ERCC1: variants seen among roughly 807,000 people sequenced by gnomAD.
ERCC1 encodes the protein DNA excision repair protein ERCC-1.
Under a neutral mutation model 37.6 loss-of-function variants are expected in ERCC1, and 36 were observed. That is an observed-to-expected ratio of 0.96 (90% CI 0.73 to 1.26). The LOEUF (loss-of-function observed/expected upper bound fraction) is 1.26. Ranked by LOEUF, ERCC1 falls within the 50% of genes most tolerant of loss-of-function variation. The probability of loss-of-function intolerance (pLI) is 0.00; values close to 1 mark genes in which losing one functional copy is unlikely to be tolerated. For missense variants in ERCC1, 349 were observed against 376.5 expected (o/e 0.93, Z 0.60); for synonymous variants, 156 against 162.1 (o/e 0.96, Z 0.28).
At chr19:45,434,021 G>A (rs1974903364) in intron 1 of ERCC1, among the ~76,000 whole-genome samples, 2 of 151,700 alleles carry the variant, frequency 1.3e-5, no homozygotes, top group Admixed American at 6.6e-5. Context: ...TGCGCCTGTA[G>A]TCCCAGCTAC....
chr19:45,421,329 G>A lies in ERCC1; in HGVS notation c.170C>T (p.Pro57Leu), dbSNP rs554690584. 5.6e-6 allele frequency: 9 copies of A among 1,614,090 alleles called. No individual in the cohort carries two copies. The highest frequency in any genetic ancestry group is 3.3e-5 in the South Asian group (3 of 91,072). The change falls in exon 3 of 10, where the codon CCT becomes CTT. Residue 57 changes from proline (P) to leucine (L), a missense_variant. Physicochemically the swap from Pro to Leu is moderately conservative, Grantham distance 98 (BLOSUM62 -3). Transcript: ENST00000300853. ...GATGGCATATTCGGCGTAGGTCTGA[G>A]GGGCCGCCTGGGCCGAGGTGTCCAC... ...PTVDTSAQAA[P>L]QTYAEYAISQ...
In ERCC1 at chr19:45,423,300, G is replaced by A. The variant is rs1974553177; in HGVS notation, c.75C>T (p.Pro25=). The stretch of plus-strand genomic sequence containing the variant: ...CAGGAGGGACCTCATCCTCGTCGAG[G>A]GGTATCACAAATTTCTTCCTTGCTG... The part of the protein sequence containing the change: ...GPPARKKFVI[P]LDEDEVPPGV... The change falls in exon 2 of 10, where the codon CCC becomes CCT. Residue 25 remains proline, a synonymous_variant. Coordinates refer to ENST00000300853, the MANE Select transcript of ERCC1 (RefSeq NM_001983.4). 2.5e-6 allele frequency: 4 copies of A among 1,613,816 alleles called. No homozygotes were observed. The highest frequency in any genetic ancestry group is 3.4e-6 in the Non-Finnish European group (4 of 1,179,942).
Position 45,408,591 on chromosome 19 carries a change from T to C in ERCC1, c.*1084A>G. 1 of 1,610,670 alleles carries C rather than the reference T, an allele frequency of 6.2e-7. No homozygotes were observed. Among genetic ancestry groups the C allele is most frequent in the Non-Finnish European group, 8.5e-7 (1 of 1,179,124 alleles). ...GACATGGCTTTGGGGTCGCCAGAAA[T>C]GGATGTGCGGAAGAAGAAGAAGAAA... On this transcript the variant is annotated 3_prime_UTR_variant, in exon 10 of 10. Transcript: ENST00000300853.
Position 45,429,000 on chromosome 19 carries a change from G to T in ERCC1, c.-7-5619C>A, listed in dbSNP as rs1447318043. ...CCAAGCGGAGGCCCCCGGATGGGGG[G>T]CAGTGGAGGCGCCTAGCCCCTACTC... On this transcript the variant is annotated intron_variant, in intron 1 of 8. Transcript: ENST00000423698. The T allele has an allele frequency of 4.6e-5, 7 of 152,376 alleles. No individual in the cohort carries two copies. The East Asian group carries it at 9.6e-4, about 21-fold the overall frequency. 9.4% of individuals were successfully genotyped at this position (152,376 alleles called of 1,614,324 possible). A position where few individuals can be genotyped will look rare whatever the true frequency, so the allele number is the denominator to read the frequency against.
chr19:45,419,077 T>C (rs1412144152), intron 5 of ERCC1, 21 bp downstream of exon 5: 1 of 1,520,680 alleles, frequency 6.6e-7, no homozygotes. Flanking sequence ...TGAGGCTGGC[T>C]AGGGAGCAGC....
rs1272658274 is a variant in ERCC1, at chr19:45,409,291, A to G, written c.*384T>C. 1.9e-6 allele frequency: 3 copies of G among 1,614,096 alleles called. No homozygotes were observed. The highest frequency in any genetic ancestry group is 1.3e-5 in the African/African-American group (1 of 75,038). Reference sequence around the variant, plus strand: ...CAGTGACTGAGCCAATTCAGCCACTAGAGCCTGAACTGCCAGGGGAGGGAC... The same window carrying G: ...CAGTGACTGAGCCAATTCAGCCACTGGAGCCTGAACTGCCAGGGGAGGGAC... On this transcript the variant is annotated 3_prime_UTR_variant, in exon 10 of 10. Coordinates refer to ENST00000300853, the MANE Select transcript of ERCC1 (RefSeq NM_001983.4).
chr19:45,435,919 T>C (rs1599858483), intron 1 of ERCC1, among the ~76,000 whole-genome samples: 1 of 152,252 alleles, frequency 6.6e-6, no homozygotes, highest in East Asian at 1.9e-4. Context: ...TGTACCACCA[T>C]GCCCGGCTAA....
intron 1 of ERCC1, among the ~76,000 whole-genome samples, chr19:45,433,709 C>T (rs562901189): frequency 1.3e-5 from 2 of 149,974 alleles, no homozygotes; most frequent in Non-Finnish European, 3.0e-5. Flanking sequence ...AAAAAAGAAT[C>T]AATGAACTAA....
At chr19:45,410,565 T>TGTGTGTGTGTGTGTGTGTGTGTG (rs1973661594) in intron 9 of ERCC1, 2 of 140,614 alleles carry the variant, frequency 1.4e-5, no homozygotes, top group African/African-American at 5.5e-5. Flanking sequence ...CATTCTTTCT[T>TGTGTGTGTGTGTGTGTGTGTGTG]TGTGTGTGTG....
At chr19:45,421,892 C>G (rs1974457986) in intron 2 of ERCC1, among the ~76,000 whole-genome samples, 1 of 152,054 alleles carries the variant, frequency 6.6e-6, no homozygotes, top group African/African-American at 2.4e-5. Flanking sequence ...CTCGGCCTCC[C>G]AAAGTCCTGG....
In ERCC1 at chr19:45,447,006, G is replaced by T. The variant is rs182522946; in HGVS notation, c.-7-23625C>A. On this transcript the variant is annotated intron_variant, in intron 1 of 8. Coordinates refer to the ERCC1 transcript ENST00000423698. Reference sequence around the variant, plus strand: ...GGGTGAGACTCTGTCTAAAAAAAAAGAAAAGAAAAGAAAGTAGGAGCCAGA... The same window carrying T: ...GGGTGAGACTCTGTCTAAAAAAAAATAAAAGAAAAGAAAGTAGGAGCCAGA... Among the ~76,000 whole-genome samples the T allele has an allele frequency of 9.2e-3, 1,402 of 151,904 alleles. 16 individuals are homozygous for T. Among genetic ancestry groups the T allele is most frequent in the Admixed American group, 0.016 (249 of 15,230 alleles).
chr19:45,443,242 T>C (rs1194291126), intron 1 of ERCC1, among the ~76,000 whole-genome samples: 5 of 152,142 alleles, frequency 3.3e-5, no homozygotes, highest in Non-Finnish European at 7.4e-5. Flanking sequence ...CAGTTTGGGA[T>C]GGGGTCCGCC....
At chr19:45,423,514 C>T in intron 1 of ERCC1, 133 bp from the exon 2 acceptor site, 1 of 1,473,208 alleles carries the variant, frequency 6.8e-7, no homozygotes, top group South Asian at 1.3e-5. Flanking sequence ...CAACACCCAG[C>T]GCTAGAGGCT....
In ERCC1 at chr19:45,419,121, C is replaced by A; in HGVS notation, c.502G>T (p.Val168Phe). ...ACCACATCCACCTGGACAAGCAGGACCCGCAAGGCGAAGTTCTTCCCCAGG... is the reference window on the plus strand; with the variant it reads ...ACCACATCCACCTGGACAAGCAGGAACCGCAAGGCGAAGTTCTTCCCCAGG... ...QSLGKNFALR[V>F]LLVQVDVKDP... The change falls in exon 5 of 10, where the codon GTC (valine) becomes TTC (phenylalanine). Residue 168 changes from valine to phenylalanine, a missense_variant. Val to Phe is a conservative substitution (Grantham distance 50). Transcript: ENST00000300853. The A allele has an allele frequency of 1.3e-6, 2 of 1,587,276 alleles. No individual in the cohort carries two copies. The highest frequency in any genetic ancestry group is 1.7e-6 in the Non-Finnish European group (2 of 1,165,766).
chr19:45,413,708 A>G lies in ERCC1; in HGVS notation c.812T>C (p.Leu271Pro). 1.2e-6 allele frequency: 2 copies of G among 1,614,064 alleles called. No individual in the cohort carries two copies. Among genetic ancestry groups the G allele is most frequent in the Non-Finnish European group, 1.7e-6 (2 of 1,180,048 alleles). Residue 271 changes from leucine to proline, a missense_variant, in exon 9 of 10, where the codon CTG becomes CCG. Physicochemically the swap from Leu to Pro is moderately conservative, Grantham distance 98 (BLOSUM62 -3). Transcript: ENST00000300853. ...EQLIAASRED[L>P]ALCPGLGPQK... ...AGGGCCCAGGCCTGGGCATAAGGCC[A>G]GATCTTCTCTTGATGCGGCGATGAG...
intron 1 of ERCC1, among the ~76,000 whole-genome samples, chr19:45,435,614 C>A (rs187648764): frequency 6.6e-6 from 1 of 152,188 alleles, no homozygotes; most frequent in Non-Finnish European, 1.5e-5. Flanking sequence ...AGGTGTGCAC[C>A]GCCAGAGCTG....
In ERCC1 at chr19:45,413,761, G is replaced by T. The variant is rs200849876; in HGVS notation, c.775-16C>A. On this transcript the variant is annotated splice_polypyrimidine_tract_variant and intron_variant, in intron 8 of 9. Transcript: ENST00000300853. The stretch of plus-strand genomic sequence containing the variant: ...GTTCCAGAGACTGAAAGGTGAAAGC[G>T]AGGGGTCAGGGCAGTTGAGCACAAA... 1.2e-6 allele frequency: 2 copies of T among 1,612,546 alleles called. No homozygotes were observed. Among genetic ancestry groups the T allele is most frequent in the Non-Finnish European group, 1.7e-6 (2 of 1,180,020 alleles).
At chr19:45,433,079 T>C (rs1974876102) in intron 1 of ERCC1, among the ~76,000 whole-genome samples, 1 of 148,746 alleles carries the variant, frequency 6.7e-6, no homozygotes, top group Admixed American at 6.7e-5. Context: ...AAACTCTGTC[T>C]CAAAATAAAT....
intron 1 of ERCC1, among the ~76,000 whole-genome samples, chr19:45,441,987 T>A (rs35537738): frequency 0.22 from 33,352 of 149,186 alleles, 3,879 homozygotes; most frequent in East Asian, 0.44. Context: ...CAGCACTTTT[T>A]TTTTATTTTA....
Sources: gnomAD v4.1 joint callset for allele counts (sites outside exome capture counted in the v4.1 genomes callset) on GRCh38, gnomAD v4.1.1 for gene constraint, MANE v1.5 for transcripts, NCBI Gene and HGNC (gene_info 2026-07-23, HGNC 2026-07-21) for gene names.